Variants in SUSD5 observed in about 807,000 individuals in gnomAD.
The protein encoded by SUSD5 is sushi domain-containing protein 5.
SUSD5 carries 33 observed loss-of-function variants against 29.5 expected under a neutral mutation model. The observed-to-expected ratio is 1.12, with a 90% CI of 0.85 to 1.49. SUSD5 has a LOEUF of 1.49. Among genes scored for constraint, SUSD5 ranks in the 40% most tolerant of loss-of-function variants. The probability of loss-of-function intolerance (pLI) is 0.00; values close to 1 mark genes in which losing one functional copy is unlikely to be tolerated. For missense variants in SUSD5, 776 were observed against 800.6 expected (o/e 0.97, Z 0.37); for synonymous variants, 308 against 325.3 (o/e 0.95, Z 0.57).
At chr3:33,169,193 T>A (rs544479213) in intron 4 of SUSD5, among the ~76,000 whole-genome samples, 1 of 152,264 alleles carries the variant, frequency 6.6e-6, no homozygotes, top group African/African-American at 2.4e-5. Context: ...GTTTCATGAG[T>A]GTATACACCT....
At chr3:33,202,884 G>T (rs890019768) in intron 3 of SUSD5, among the ~76,000 whole-genome samples, 1 of 148,744 alleles carries the variant, frequency 6.7e-6, no homozygotes, top group Non-Finnish European at 1.5e-5. Context: ...CATTCCACAG[G>T]CTATGTTTTC....
intron 3 of SUSD5, among the ~76,000 whole-genome samples, chr3:33,206,624 C>T (rs1230771220): frequency 6.6e-6 from 1 of 152,072 alleles, no homozygotes; most frequent in African/African-American, 2.4e-5. Context: ...GACCCCAGAG[C>T]AGAAGGCTCT....
chr3:33,192,702 G>A (rs2031917641), intron 3 of SUSD5, among the ~76,000 whole-genome samples: 1 of 151,932 alleles, frequency 6.6e-6, no homozygotes, highest in Admixed American at 6.6e-5. Flanking sequence ...CCAGCTACTT[G>A]GGAGGCTGAG....
chr3:33,211,481 A>G (rs539161996), intron 2 of SUSD5, among the ~76,000 whole-genome samples: 3 of 152,266 alleles, frequency 2.0e-5, no homozygotes, highest in Non-Finnish European at 4.4e-5. Context: ...GAGCATAGAT[A>G]TAAAATGTAA....
chr3:33,164,969 AACACACACACACACACAC>A (rs34551240), intron 4 of SUSD5, among the ~76,000 whole-genome samples: 42 of 147,034 alleles, frequency 2.9e-4, no homozygotes, highest in Admixed American at 4.1e-4. Context: ...ACTAAAGTTG[AACACACACACACACACAC>A]ACACACACAC....
rs533062833 is a variant in SUSD5 at position 33,150,455 on chromosome 3, C to A, written c.*2287G>T. 3.8e-4 allele frequency: 57 copies of A among 151,992 alleles called. No homozygotes were observed. Among genetic ancestry groups the A allele is most frequent in the Middle Eastern group, 6.8e-3 (2 of 292 alleles). 9.4% of individuals were successfully genotyped at this position (151,992 alleles called of 1,614,324 possible). A position where few individuals can be genotyped will look rare whatever the true frequency, so the allele number is the denominator to read the frequency against. ...CACAATAATAGTTGCTAACACAGTC[C>A]CAATGCTGAGACAGAGGTTATTTTA... On this transcript the variant is annotated 3_prime_UTR_variant, in exon 5 of 5. Coordinates refer to ENST00000309558, the MANE Select transcript of SUSD5 (RefSeq NM_015551.2).
At chr3:33,195,460 G>A (rs1387186171) in intron 3 of SUSD5, among the ~76,000 whole-genome samples, 2 of 152,150 alleles carry the variant, frequency 1.3e-5, no homozygotes, top group African/African-American at 4.8e-5. Context: ...GACAAGGTCT[G>A]AGGCAGTGCA....
rs1212399306 is a variant in SUSD5 at position 33,167,522 on chromosome 3, T to C, written c.598+7364A>G. Among the ~76,000 whole-genome samples the C allele has an allele frequency of 6.6e-6, 1 of 152,132 alleles. No individual in the cohort carries two copies. Among genetic ancestry groups the C allele is most frequent in the Non-Finnish European group, 1.5e-5 (1 of 68,018 alleles). ...TTCTGCCTCCAGAGCTCCCTGAGGCTACAGCAACCCTGGGCAGAAGCCCAG... is the reference window on the plus strand; with the variant it reads ...TTCTGCCTCCAGAGCTCCCTGAGGCCACAGCAACCCTGGGCAGAAGCCCAG... On this transcript the variant is annotated intron_variant, in intron 4 of 4. Coordinates refer to ENST00000309558, the MANE Select transcript of SUSD5 (RefSeq NM_015551.2). The surrounding 1 kb of genome is among the most constrained non-coding windows in gnomAD (Gnocchi z 4.1).
chr3:33,218,636 G>A, intron 1 of SUSD5, 50 bp downstream of exon 1: 2 of 1,251,158 alleles, frequency 1.6e-6, no homozygotes, highest in South Asian at 2.8e-5. Context: ...CGCCCTCCCT[G>A]CCCGGACCCC....
intron 4 of SUSD5, among the ~76,000 whole-genome samples, chr3:33,159,273 C>T (rs1326494936): frequency 6.6e-6 from 1 of 152,144 alleles, no homozygotes; most frequent in Non-Finnish European, 1.5e-5. Context: ...TGATACTGTC[C>T]ACGGGAAAGC....
At chr3:33,189,472 C>A (rs560336458) in intron 3 of SUSD5, among the ~76,000 whole-genome samples, 2 of 98,168 alleles carry the variant, frequency 2.0e-5, no homozygotes, top group East Asian at 6.8e-4. Context: ...GCGAGACTCT[C>A]CTTCTCAAAA....
At position 33,204,545 on chromosome 3, in the gene SUSD5, T is replaced by A. The variant is rs2032177779; in HGVS notation, c.409+3263A>T. ...ACCATGTTAGCCAGGATGGTCTCGA[T>A]CTCCTGACCTCGTGATACACCCACC... On this transcript the variant is annotated intron_variant, in intron 3 of 4. Transcript: ENST00000309558. This position sits in a 1 kb window ranked among gnomAD's most constrained non-coding sequence, Gnocchi z 4.5. 6.6e-6 allele frequency among the ~76,000 whole-genome samples: 1 copy of A among 152,178 alleles called. No homozygotes were observed. Among genetic ancestry groups the A allele is most frequent in the African/African-American group, 2.4e-5 (1 of 41,526 alleles).
chr3:33,155,662 C>T (rs1345050738), intron 4 of SUSD5, among the ~76,000 whole-genome samples: 2 of 152,192 alleles, frequency 1.3e-5, no homozygotes, highest in Non-Finnish European at 2.9e-5. Flanking sequence ...TTAACTGGTA[C>T]ATCAGTTATG....
chr3:33,208,718 T>TA (rs2032268685), intron 2 of SUSD5, among the ~76,000 whole-genome samples: 1 of 152,210 alleles, frequency 6.6e-6, no homozygotes, highest in Admixed American at 6.5e-5. Context: ...ACCCAGAAGT[T>TA]ACAACTTCTT....
At chr3:33,168,497 G>A in intron 4 of SUSD5, 1 of 984,222 alleles carries the variant, frequency 1.0e-6, no homozygotes. Context: ...CTGTAGAAAT[G>A]AGAAAAGAGC....
At position 33,175,621 on chromosome 3, in the gene SUSD5, A is replaced by G. The variant is rs189694060; in HGVS notation, c.410-547T>C. The stretch of plus-strand genomic sequence containing the variant: ...TACACACATATATACAAATACATAC[A>G]TATTTCTTTTTTTTACATAAATGGG... On this transcript the variant is annotated intron_variant, in intron 3 of 4. Transcript: ENST00000309558. Among the ~76,000 whole-genome samples, 105 of 152,070 alleles carry G rather than the reference A, an allele frequency of 6.9e-4. 2 individuals are homozygous for G. The highest frequency in any genetic ancestry group is 2.3e-3 in the African/African-American group (96 of 41,486).
chr3:33,214,650 T>C (rs925034484), intron 1 of SUSD5, among the ~76,000 whole-genome samples: 2 of 152,158 alleles, frequency 1.3e-5, no homozygotes, highest in African/African-American at 4.8e-5. Flanking sequence ...ACAGGGATGA[T>C]GTCTGGTACA....
intron 3 of SUSD5, among the ~76,000 whole-genome samples, chr3:33,195,451 A>C (rs1398820320): frequency 1.3e-5 from 2 of 152,174 alleles, no homozygotes; most frequent in African/African-American, 2.4e-5. Context: ...CAGGTAATTG[A>C]CAAGGTCTGA....
At chr3:33,182,198 A>AGT (rs2031687591) in intron 3 of SUSD5, among the ~76,000 whole-genome samples, 1 of 152,228 alleles carries the variant, frequency 6.6e-6, no homozygotes, top group African/African-American at 2.4e-5. Context: ...ATTATTTAAA[A>AGT]GTATGTTGTT....
Sources: gnomAD v4.1 joint callset for allele counts (sites outside exome capture counted in the v4.1 genomes callset) on GRCh38, gnomAD v4.1.1 for gene constraint, Gnocchi (gnomAD v3.1) non-coding constraint, MANE v1.5 for transcripts, NCBI Gene and HGNC (gene_info 2026-07-23, HGNC 2026-07-21) for gene names.